The following RABGAP1L variants were observed in gnomAD, a reference collection of about 807,000 sequenced individuals.
RABGAP1L encodes rab GTPase-activating protein 1-like.
A neutral mutation model predicts 137.7 loss-of-function variants in RABGAP1L; 63 were observed. That is an observed-to-expected ratio of 0.46 (90% confidence interval 0.37 to 0.56). The LOEUF (loss-of-function observed/expected upper bound fraction) is 0.56, where lower values mean the gene tolerates loss of function less well. Ranked by LOEUF, RABGAP1L falls within the 20% of genes least tolerant of loss-of-function variation. RABGAP1L has a pLI of 0.00. For synonymous variants in RABGAP1L, 431 were observed against 433.7 expected, an observed-to-expected ratio of 0.99 and a Z score of 0.08; for missense variants, 1,095 against 1,244.0, an observed-to-expected ratio of 0.88 and a Z score of 1.80.
intron 13 of RABGAP1L, among the ~76,000 whole-genome samples, chr1:174,586,951 A>G (rs1039466978): frequency 1.3e-5 from 2 of 151,798 alleles, no homozygotes; most frequent in Non-Finnish European, 2.9e-5. Flanking sequence ...TCCTGTGTCC[A>G]TGTGTTCTCA....
intron 5 of RABGAP1L, among the ~76,000 whole-genome samples, 196 bp downstream of exon 5, chr1:174,241,853 C>A (rs997648244): frequency 6.6e-6 from 1 of 152,208 alleles, no homozygotes; most frequent in African/African-American, 2.4e-5. Context: ...GGCACTCTCA[C>A]AGCTTAGCAG....
intron 18 of RABGAP1L, among the ~76,000 whole-genome samples, chr1:174,784,022 T>C (rs1264557480): frequency 2.6e-5 from 3 of 116,274 alleles, no homozygotes; most frequent in Admixed American, 1.7e-4. Context: ...TTTTTTTTTT[T>C]TTTTTTTTTT....
At chr1:174,706,161 T>C (rs560063880) in intron 17 of RABGAP1L, among the ~76,000 whole-genome samples, 1 of 152,304 alleles carries the variant, frequency 6.6e-6, no homozygotes, top group East Asian at 1.9e-4. Context: ...TCTTCATTCA[T>C]TCTGAGGTTA....
intron 14 of RABGAP1L, among the ~76,000 whole-genome samples, chr1:174,667,336 A>G (rs1469612623): frequency 2.0e-5 from 3 of 152,188 alleles, no homozygotes; most frequent in African/African-American, 7.2e-5. Flanking sequence ...AGCATAATTC[A>G]ACAGAGAGAG....
chr1:174,266,122 C>G lies in RABGAP1L; in HGVS notation c.987-6292C>G, dbSNP rs567537439. ...ATAAATAGCTATAGAGTACCCTCAT[C>G]TGGGTTTGAATCTTGGCTTTACAGT... On this transcript the variant is annotated intron_variant, in intron 7 of 25. Transcript: ENST00000681986. 3.9e-5 allele frequency among the ~76,000 whole-genome samples: 6 copies of G among 152,202 alleles called. No homozygotes were observed. The East Asian group carries it at 1.2e-3, about 29-fold the overall frequency.
At chr1:174,977,235 G>C (rs940344651) in intron 22 of RABGAP1L, among the ~76,000 whole-genome samples, 1 of 152,118 alleles carries the variant, frequency 6.6e-6, no homozygotes, top group Non-Finnish European at 1.5e-5. Context: ...TTTTTCCTTG[G>C]AATCTGATTT....
At chr1:174,486,861 A>T (rs534256048) in intron 13 of RABGAP1L, among the ~76,000 whole-genome samples, 2 of 151,980 alleles carry the variant, frequency 1.3e-5, no homozygotes, top group Admixed American at 6.6e-5. Flanking sequence ...ATATTTTTCA[A>T]TTTCCTTCTT....
intron 11 of RABGAP1L, among the ~76,000 whole-genome samples, chr1:174,337,754 C>G (rs1266814424): frequency 2.0e-5 from 3 of 152,024 alleles, no homozygotes; most frequent in Non-Finnish European, 4.4e-5. Context: ...CTTTAATTGC[C>G]ATATTCAAGG....
Position 174,221,058 on chromosome 1 carries a change from T to C in RABGAP1L, c.225T>C (p.Val75=). The C allele has an allele frequency of 6.2e-7, 1 of 1,613,986 alleles. No homozygotes were observed. The highest frequency in any genetic ancestry group is 8.5e-7 in the Non-Finnish European group (1 of 1,179,908). The change falls in exon 3 of 26, where the codon GTT becomes GTC. Residue 75 remains valine, a synonymous_variant. Transcript: ENST00000681986. ...AGAAAAGGCCAAGCAGTCTTCTTGT[T>C]GATTGTCAAAGTTCCAGTGAGATTT... is the stretch of plus-strand genomic sequence containing the variant. ...DSEKRPSSLL[V]DCQSSSEISD... is the part of the protein sequence containing the mutation.
At chr1:174,959,788 T>A (rs554871918) in intron 20 of RABGAP1L, among the ~76,000 whole-genome samples, 11 of 152,308 alleles carry the variant, frequency 7.2e-5, no homozygotes, top group Non-Finnish European at 1.3e-4. Context: ...TATAATTACA[T>A]CTTCAAGGTG....
Position 174,171,696 on chromosome 1 carries a change from T to TAA in RABGAP1L, c.-34+12056_-34+12057dup, listed in dbSNP as rs57052121. 2.4e-3 allele frequency among the ~76,000 whole-genome samples: 325 copies of TAA among 134,268 alleles called. 2 individuals carry two copies. The highest frequency in any genetic ancestry group is 4.0e-3 in the Middle Eastern group (1 of 250). 88.1% of individuals were successfully genotyped at this position (134,268 alleles called of 152,430 possible). ...ACTCTTGTTTCTGCGTATTCAGCTTTAAAAAAAAAAAAAAAAAAGGATTTC... is the reference window on the plus strand; with the variant it reads ...ACTCTTGTTTCTGCGTATTCAGCTTTAAAAAAAAAAAAAAAAAAAAGGATTTC... On this transcript the variant is annotated intron_variant, in intron 1 of 25. Transcript: ENST00000681986.
At chr1:174,443,920 C>T (rs1654436848) in intron 13 of RABGAP1L, among the ~76,000 whole-genome samples, 1 of 152,016 alleles carries the variant, frequency 6.6e-6, no homozygotes, top group South Asian at 2.1e-4. Context: ...TTTCCAGCAG[C>T]ATTGATGGAA....
intron 3 of RABGAP1L, among the ~76,000 whole-genome samples, chr1:174,223,471 G>A (rs1473943681): frequency 2.7e-5 from 4 of 145,850 alleles, no homozygotes; most frequent in Admixed American, 6.9e-5. Context: ...AAGATTTAAC[G>A]ACTTTTAGGA....
intron 17 of RABGAP1L, among the ~76,000 whole-genome samples, chr1:174,738,018 G>A (rs930824985): frequency 6.6e-6 from 1 of 152,124 alleles, no homozygotes; most frequent in Non-Finnish European, 1.5e-5. Flanking sequence ...CTTCAATGTT[G>A]GGGATAACAT....
intron 19 of RABGAP1L, chr1:174,874,420 G>A: frequency 5.1e-6 from 5 of 975,822 alleles, no homozygotes; most frequent in Non-Finnish European, 6.1e-6. Flanking sequence ...CGGACAGCTA[G>A]CTAGTTCCTG....
intron 13 of RABGAP1L, among the ~76,000 whole-genome samples, chr1:174,424,638 T>C (rs1651742304): frequency 6.6e-6 from 1 of 152,106 alleles, no homozygotes; most frequent in Non-Finnish European, 1.5e-5. Context: ...ACATGCAATG[T>C]AGTAATCACC....
At chr1:174,252,184 C>T (rs149854009) in intron 6 of RABGAP1L, among the ~76,000 whole-genome samples, 3 of 152,286 alleles carry the variant, frequency 2.0e-5, no homozygotes, top group East Asian at 3.9e-4. Flanking sequence ...CGTAAGCCAC[C>T]GTGCTTGGCC....
chr1:174,394,481 ATAGT>A (rs1647569413), intron 13 of RABGAP1L, among the ~76,000 whole-genome samples: 1 of 152,194 alleles, frequency 6.6e-6, no homozygotes, highest in African/African-American at 2.4e-5. Context: ...ATAATCATAC[ATAGT>A]TACTCTTGTA....
At chr1:174,197,475 A>T (rs568735696) in intron 1 of RABGAP1L, among the ~76,000 whole-genome samples, 1 of 152,324 alleles carries the variant, frequency 6.6e-6, no homozygotes, top group East Asian at 1.9e-4. Context: ...CACGTAATAC[A>T]CTTGGAAAAC....
Sources: gnomAD v4.1 joint callset for allele counts (sites outside exome capture counted in the v4.1 genomes callset) on GRCh38, gnomAD v4.1.1 for gene constraint, MANE v1.5 for transcripts, NCBI Gene and HGNC (gene_info 2026-07-23, HGNC 2026-07-21) for gene names.